The following GIGYF1 variants were observed in gnomAD, a reference collection of about 807,000 sequenced individuals.
GIGYF1 encodes the protein GRB10-interacting GYF protein 1.
A neutral mutation model predicts 147.1 loss-of-function variants in GIGYF1; 84 were observed. That is an observed-to-expected ratio of 0.57 (90% CI 0.48 to 0.68). The LOEUF is 0.68. GIGYF1 is among the 30% of genes least tolerant of loss of function. The probability of loss-of-function intolerance (pLI) is 0.00; values close to 1 mark genes in which losing one functional copy is unlikely to be tolerated. For synonymous variants in GIGYF1, 752 were observed against 589.5 expected, an observed-to-expected ratio of 1.28 and a Z score of -3.99; for missense variants, 1,485 against 1,393.7, an observed-to-expected ratio of 1.07 and a Z score of -1.04.
chr7:100,689,810 G>A (rs113092860), intron 1 of GIGYF1, among the ~76,000 whole-genome samples: 21 of 152,342 alleles, frequency 1.4e-4, no homozygotes, highest in South Asian at 1.0e-3. Context: ...CTGACTGCAG[G>A]TGGCCACCTA....
chr7:100,687,946 C>A, intron 5 of GIGYF1, 35 bp downstream of exon 5: 2 of 1,609,896 alleles, frequency 1.2e-6, no homozygotes, highest in Admixed American at 1.7e-5. Context: ...CAGGCAGAGG[C>A]CACCACCGCC....
rs975801844 is a variant in GIGYF1, at chr7:100,681,035, C to T, written c.*684G>A. ...GATGGCAGCCAGAGAGCTGGGGCCA[C>T]TCGTCCAATTTGTGCAACTGTCCCC... On this transcript the variant is annotated 3_prime_UTR_variant, in exon 27 of 27. Transcript: ENST00000678049. 1 of 152,736 alleles carries T rather than the reference C, an allele frequency of 6.5e-6. No individual in the cohort carries two copies. Among genetic ancestry groups the T allele is most frequent in the Non-Finnish European group, 1.5e-5 (1 of 68,110 alleles). 9.5% of individuals were successfully genotyped at this position (152,736 alleles called of 1,614,324 possible). A position where few individuals can be genotyped will look rare whatever the true frequency, so the allele number is the denominator to read the frequency against.
rs1447403716 is a variant in GIGYF1 at position 100,684,819 on chromosome 7, G to T, written c.1366C>A (p.Gln456Lys). The T allele has an allele frequency of 3.7e-6, 6 of 1,609,578 alleles. No individual in the cohort carries two copies. The highest frequency in any genetic ancestry group is 3.4e-6 in the Non-Finnish European group (4 of 1,178,008). Reference protein sequence around the residue: ...EEQFTAAMQTQGLRHSAAATA... With the variant: ...EEQFTAAMQTKGLRHSAAATA... ...GCGGCTGCAGAGTGGCGCAGGCCCT[G>T]GGTCTGCATGGCAGCCGTGAACTGC... Residue 456 changes from glutamine (Q) to lysine (K), a missense_variant, in exon 15 of 27, where the codon CAG (glutamine) becomes AAG (lysine). By Grantham distance (53) the Gln-to-Lys change is moderately conservative. Transcript: ENST00000678049.
In GIGYF1 at chr7:100,684,879, C is replaced by A; in HGVS notation, c.1306G>T (p.Val436Leu). Residue 436 changes from valine to leucine, a missense_variant, in exon 15 of 27, where the codon GTG (valine) becomes TTG (leucine). By Grantham distance (32) the Val-to-Leu change is conservative. Coordinates refer to ENST00000678049, the MANE Select transcript of GIGYF1 (RefSeq NM_001375765.1). The stretch of plus-strand genomic sequence containing the variant: ...AAGGAGCTGTCCTGCAGGGAGGCCA[C>A]CAGCTTCTCCGCCTCCTGGATGCCC... ...KHLQQEAEKL[V>L]ASLQDSSLEE... The A allele has an allele frequency of 6.2e-7, 1 of 1,604,314 alleles. No homozygotes were observed. The highest frequency in any genetic ancestry group is 2.2e-5 in the East Asian group (1 of 44,776).
rs896564249 is a variant in GIGYF1 at position 100,688,319 on chromosome 7, C to T, written c.-69-12G>A. On this transcript the variant is annotated splice_polypyrimidine_tract_variant and intron_variant, in intron 3 of 26. Transcript: ENST00000678049. ...CACTGTCCAAACACCTGTGGGGGAA[C>T]AGGGGCCATGAAGAACAGCACACGA... 4.3e-6 allele frequency: 5 copies of T among 1,150,206 alleles called. No homozygotes were observed. The highest frequency in any genetic ancestry group is 4.8e-5 in the East Asian group (2 of 41,374). The allele number at this position is 1,150,206 out of a possible 1,614,324, so 71.3% of individuals were successfully genotyped here.
At chr7:100,691,435 T>C (rs919361079) in intron 1 of GIGYF1, among the ~76,000 whole-genome samples, 1 of 151,958 alleles carries the variant, frequency 6.6e-6, no homozygotes, top group Non-Finnish European at 1.5e-5. Flanking sequence ...AGGGACATCA[T>C]TCCCTAATTA....
chr7:100,682,153 CGT>C lies in GIGYF1; in HGVS notation c.2842_2843del (p.Thr948AlafsTer80). On this transcript the variant is annotated frameshift_variant, in exon 25 of 27. Transcript: ENST00000678049. LOFTEE classifies it high-confidence loss of function. ...HDYIRSCLGD[T>X]LEAKEFAKQF... The stretch of plus-strand genomic sequence containing the variant: ...GTTTGGCAAATTCTTTGGCTTCCAG[CGT>C]GTCCCCCAGGCAGGAACGGATATAA... The C allele has an allele frequency of 6.2e-7, 1 of 1,614,004 alleles. No individual in the cohort carries two copies. Among genetic ancestry groups the C allele is most frequent in the Non-Finnish European group, 8.5e-7 (1 of 1,179,962 alleles).
rs752752077 is a variant in GIGYF1 at position 100,685,334 on chromosome 7, CCCTT to C, written c.1192+6_1192+9del. The stretch of plus-strand genomic sequence containing the variant: ...GCGCACCCGGGAGGTAGGCCATCCT[CCCTT>C]CCTACCTTCGGCCGCTGGGGGCTCT... On this transcript the variant is annotated splice_donor_region_variant and intron_variant, in intron 13 of 26. Transcript: ENST00000678049. The C allele has an allele frequency of 6.3e-7, 1 of 1,589,478 alleles. No individual in the cohort carries two copies. Among genetic ancestry groups the C allele is most frequent in the Non-Finnish European group, 8.5e-7 (1 of 1,171,588 alleles).
chr7:100,686,427 C>A lies in GIGYF1; in HGVS notation c.701G>T (p.Gly234Val), dbSNP rs758847809. The A allele has an allele frequency of 6.3e-7, 1 of 1,594,646 alleles. No homozygotes were observed. ...TTCCCGCCAGCCAGCAGAGCGGGGA[C>A]CACCATCTGCACAGGAAAAGTCAGG... is the stretch of plus-strand genomic sequence containing the variant. ...DRWRSASPDG[G>V]PRSAGWREHG... The change falls in exon 11 of 27, where the codon GGT becomes GTT. Residue 234 changes from glycine to valine, a missense_variant. Physicochemically the swap from Gly to Val is moderately radical, Grantham distance 109. Transcript: ENST00000678049.
In GIGYF1 at chr7:100,682,639, G is replaced by A; in HGVS notation, c.2551C>T (p.Leu851=). ...WEDTPKSGGS[L]VRGLGLKNSR... Reference sequence around the variant, plus strand: ...TTCTTCAGGCCGAGGCCACGGACCAGGCTCCCGCCGCTCTTGGGGGTGTCC... The same window carrying A: ...TTCTTCAGGCCGAGGCCACGGACCAAGCTCCCGCCGCTCTTGGGGGTGTCC... The change falls in exon 23 of 27, where the codon CTG becomes TTG. Residue 851 remains leucine (L), a synonymous_variant. Coordinates refer to ENST00000678049, the MANE Select transcript of GIGYF1 (RefSeq NM_001375765.1). 6.3e-7 allele frequency: 1 copy of A among 1,597,856 alleles called. No homozygotes were observed. Among genetic ancestry groups the A allele is most frequent in the East Asian group, 2.2e-5 (1 of 44,634 alleles).
chr7:100,685,869 G>A, intron 12 of GIGYF1, 105 bp downstream of exon 12: 2 of 888,422 alleles, frequency 2.3e-6, no homozygotes, highest in South Asian at 1.5e-5. Context: ...CCAGATCTAA[G>A]TAGCCTGATT....
chr7:100,685,242 GCTC>G (rs1805205878), intron 13 of GIGYF1, 96 bp from the exon 14 acceptor site: 1 of 1,521,616 alleles, frequency 6.6e-7, no homozygotes, highest in Non-Finnish European at 8.9e-7. Flanking sequence ...TCTTGCCATG[GCTC>G]CTCAATGTGA....
intron 1 of GIGYF1, among the ~76,000 whole-genome samples, chr7:100,690,492 G>A (rs1318443934): frequency 1.3e-5 from 2 of 152,158 alleles, no homozygotes; most frequent in Non-Finnish European, 2.9e-5. Flanking sequence ...TTTTAAAAAA[G>A]AAAAAGTGGC....
chr7:100,685,851 C>T, intron 12 of GIGYF1, 123 bp downstream of exon 12: 1 of 772,078 alleles, frequency 1.3e-6, no homozygotes, highest in Non-Finnish European at 2.1e-6. Flanking sequence ...CCTCTCAGCA[C>T]TCTTCTTCCA....
Position 100,688,840 on chromosome 7 carries a change from C to CG in GIGYF1, c.-384dup, listed in dbSNP as rs1322028338. 3.2e-5 allele frequency: 6 copies of CG among 186,414 alleles called. No individual in the cohort carries two copies. Among genetic ancestry groups the CG allele is most frequent in the African/African-American group, 1.4e-4 (6 of 42,720 alleles). The allele number at this position is 186,414 out of a possible 1,614,324, so 11.5% of individuals were successfully genotyped here. A position where few individuals can be genotyped will look rare whatever the true frequency, so the allele number is the denominator to read the frequency against. ...TGGTGTCTCTGGGCATCAGCACCCT[C>CG]GCCACCCTCTCTGGGAGGCTGAGAC... On this transcript the variant is annotated 5_prime_UTR_variant, in exon 2 of 27. Transcript: ENST00000678049.
chr7:100,685,932 GC>G (rs755878905), intron 12 of GIGYF1, 41 bp downstream of exon 12: 2 of 1,548,650 alleles, frequency 1.3e-6, no homozygotes, highest in African/African-American at 1.4e-5. Flanking sequence ...ACCAGTGCCT[GC>G]CCGGCCCAGC....
chr7:100,683,978 C>G (rs749188641), intron 18 of GIGYF1, 42 bp downstream of exon 18: 3 of 1,578,346 alleles, frequency 1.9e-6, no homozygotes, highest in Admixed American at 3.6e-5. Flanking sequence ...GCCCCCATCC[C>G]CCCCCCACCC....
At chr7:100,685,006 C>T (rs1387436343) in intron 14 of GIGYF1, 43 bp downstream of exon 14, 5 of 1,555,388 alleles carry the variant, frequency 3.2e-6, no homozygotes, top group Non-Finnish European at 1.7e-6. Context: ...CAGGTCAGGT[C>T]AGAAGTGGGA....
intron 3 of GIGYF1, 67 bp downstream of exon 3, chr7:100,688,384 A>G: frequency 1.3e-6 from 1 of 754,568 alleles, no homozygotes; most frequent in Non-Finnish European, 2.3e-6. Flanking sequence ...CATGGGGGAC[A>G]TCCTAGTGGG....
Sources: gnomAD v4.1 joint callset for allele counts (sites outside exome capture counted in the v4.1 genomes callset) on GRCh38, gnomAD v4.1.1 for gene constraint, MANE v1.5 for transcripts, NCBI Gene and HGNC (gene_info 2026-07-23, HGNC 2026-07-21) for gene names.